The following RANBP2 variants were observed in gnomAD, a reference collection of about 807,000 sequenced individuals.
The protein encoded by RANBP2 is RAN binding protein 2.
Under a neutral mutation model 303.6 loss-of-function variants are expected in RANBP2, and 57 were observed. The observed-to-expected ratio is 0.19, with a 90% CI of 0.15 to 0.23. The LOEUF is 0.23. RANBP2 is among the 10% of genes least tolerant of loss of function. The probability of loss-of-function intolerance (pLI) is 1.00; values close to 1 mark genes in which losing one functional copy is unlikely to be tolerated. For synonymous variants in RANBP2, 1,167 were observed against 1,301.5 expected (o/e 0.90, Z 2.23); for missense variants, 3,138 against 3,780.8 (o/e 0.83, Z 4.46).
chr2:108,840,941 A>G, the RANBP2 span, among the ~76,000 whole-genome samples: 5 of 151,952 alleles, frequency 3.3e-5, no homozygotes, highest in Non-Finnish European at 7.4e-5. Flanking sequence ...CCTCCCAAGT[A>G]GCTGGGATTA....
At chr2:109,449,340 C>G in the RANBP2 span, 1 of 1,605,886 alleles carries the variant, frequency 6.2e-7, no homozygotes, top group East Asian at 2.2e-5. Flanking sequence ...GCCGGCCATC[C>G]CCCTCACATC....
intron 4 of RANBP2, among the ~76,000 whole-genome samples, chr2:108,733,790 T>C (rs1351824525): frequency 6.6e-6 from 1 of 152,124 alleles, no homozygotes; most frequent in Non-Finnish European, 1.5e-5. Flanking sequence ...CTTTGAAGCA[T>C]TCTTTAAAGA....
the RANBP2 span, among the ~76,000 whole-genome samples, chr2:109,494,930 GA>G: frequency 1.3e-5 from 2 of 152,092 alleles, no homozygotes; most frequent in African/African-American, 4.8e-5. Flanking sequence ...GCTCCTCTGA[GA>G]AAGGACTAGG....
the RANBP2 span, among the ~76,000 whole-genome samples, chr2:109,592,564 G>A: frequency 6.6e-6 from 1 of 151,970 alleles, no homozygotes; most frequent in Non-Finnish European, 1.5e-5. Flanking sequence ...CAGATCACTT[G>A]AGGTCAGGAG....
the RANBP2 span, among the ~76,000 whole-genome samples, chr2:109,237,576 C>G: frequency 6.6e-6 from 1 of 152,260 alleles, no homozygotes; most frequent in African/African-American, 2.4e-5. Context: ...CGCAAACTTT[C>G]TTAAAACATT....
the RANBP2 span, among the ~76,000 whole-genome samples, chr2:109,312,180 A>G: frequency 6.6e-6 from 1 of 152,222 alleles, no homozygotes; most frequent in South Asian, 2.1e-4. Context: ...ACAAAGTCTA[A>G]TGAAAATCTT....
At chr2:109,203,414 A>G in the RANBP2 span, among the ~76,000 whole-genome samples, 1 of 152,194 alleles carries the variant, frequency 6.6e-6, no homozygotes, top group African/African-American at 2.4e-5. Flanking sequence ...CTACGAGCGC[A>G]TCACCTGTGG....
At chr2:108,894,008 A>C in the RANBP2 span, among the ~76,000 whole-genome samples, 1 of 152,164 alleles carries the variant, frequency 6.6e-6, no homozygotes, top group Non-Finnish European at 1.5e-5. Context: ...CTAGGTTGAC[A>C]GAGATGATGG....
chr2:109,474,251 C>T, the RANBP2 span, among the ~76,000 whole-genome samples: 1 of 152,198 alleles, frequency 6.6e-6, no homozygotes, highest in African/African-American at 2.4e-5. Flanking sequence ...TTGTCTGCAG[C>T]AGTCCTTTTA....
chr2:108,805,724 C>CA, the RANBP2 span, among the ~76,000 whole-genome samples: 240 of 135,144 alleles, frequency 1.8e-3, no homozygotes, highest in Middle Eastern at 3.9e-3. Flanking sequence ...GAGACTGTCT[C>CA]AAAAAAAAAA....
chr2:109,493,046 C>CAG, the RANBP2 span, among the ~76,000 whole-genome samples: 1 of 149,228 alleles, frequency 6.7e-6, no homozygotes, highest in Non-Finnish European at 1.5e-5. Context: ...ACATACCCCA[C>CAG]ATACATCATA....
chr2:109,268,851 G>A, the RANBP2 span, among the ~76,000 whole-genome samples: 1 of 152,160 alleles, frequency 6.6e-6, no homozygotes, highest in African/African-American at 2.4e-5. Context: ...TGCCAGGTTG[G>A]GTGTATTCAA....
At chr2:109,006,542 C>T in the RANBP2 span, among the ~76,000 whole-genome samples, 1 of 152,250 alleles carries the variant, frequency 6.6e-6, no homozygotes, top group Non-Finnish European at 1.5e-5. Context: ...GATAATTTCA[C>T]GTGTATTTTC....
the RANBP2 span, among the ~76,000 whole-genome samples, chr2:109,096,319 AT>A: frequency 2.6e-5 from 4 of 152,240 alleles, no homozygotes; most frequent in African/African-American, 9.6e-5. Flanking sequence ...GTGTTACAAA[AT>A]TGTATAAGAT....
the RANBP2 span, chr2:108,894,510 G>GTT: frequency 1.3e-5 from 2 of 151,984 alleles, no homozygotes; most frequent in African/African-American, 4.9e-5. Context: ...AATATAATAA[G>GTT]TTATATATAT....
At chr2:109,763,813 A>G in the RANBP2 span, among the ~76,000 whole-genome samples, 1 of 149,770 alleles carries the variant, frequency 6.7e-6, no homozygotes, top group East Asian at 2.1e-4. Context: ...ATTGATGGAC[A>G]TCATTTTCCA....
the RANBP2 span, among the ~76,000 whole-genome samples, chr2:108,938,025 C>G: frequency 6.6e-6 from 1 of 152,020 alleles, no homozygotes; most frequent in African/African-American, 2.4e-5. Context: ...GCATGAAACA[C>G]TTATTTACTT....
At chr2:109,155,970 A>G in the RANBP2 span, among the ~76,000 whole-genome samples, 1 of 152,162 alleles carries the variant, frequency 6.6e-6, no homozygotes, top group Non-Finnish European at 1.5e-5. Flanking sequence ...GCATGCTGTC[A>G]CTGAGCTCTG....
chr2:108,922,411 C>T, the RANBP2 span, among the ~76,000 whole-genome samples: 13 of 152,206 alleles, frequency 8.5e-5, no homozygotes, highest in African/African-American at 2.2e-4. Flanking sequence ...GCTTTGAAGA[C>T]GAGCAAACAC....
Sources: gnomAD v4.1 joint callset for allele counts (sites outside exome capture counted in the v4.1 genomes callset) on GRCh38, gnomAD v4.1.1 for gene constraint, MANE v1.5 for transcripts, NCBI Gene and HGNC (gene_info 2026-07-23, HGNC 2026-07-21) for gene names.